The following ANK3 variants were observed in gnomAD, a reference collection of about 807,000 sequenced individuals.
ANK3 encodes the protein ankyrin 3, also known as ankyrin-3.
Under a neutral mutation model 370.9 loss-of-function variants are expected in ANK3, and 57 were observed. That is an observed-to-expected ratio of 0.15 (90% CI 0.12 to 0.19). The LOEUF (loss-of-function observed/expected upper bound fraction) is 0.19. Ranked by LOEUF, ANK3 falls within the 10% of genes least tolerant of loss-of-function variation. The pLI is 1.00. For missense variants in ANK3, 4,439 were observed against 5,302.1 expected (o/e 0.84, Z 5.06); for synonymous variants, 1,929 against 1,946.3 (o/e 0.99, Z 0.23).
chr10:60,532,362 G>A (rs1262130032), intron 2 of ANK3, among the ~76,000 whole-genome samples: 3 of 152,106 alleles, frequency 2.0e-5, no homozygotes, highest in African/African-American at 7.2e-5. Context: ...CCAGGACCTG[G>A]TAGCAGCTAC....
At chr10:60,465,558 G>T (rs1256519487) in intron 2 of ANK3, among the ~76,000 whole-genome samples, 1 of 152,132 alleles carries the variant, frequency 6.6e-6, no homozygotes, top group Non-Finnish European at 1.5e-5. Context: ...AGTTTTGGGA[G>T]GAAATTAAAC....
chr10:60,229,715 T>A (rs1592105452), intron 8 of ANK3, among the ~76,000 whole-genome samples: 1 of 152,292 alleles, frequency 6.6e-6, no homozygotes, highest in East Asian at 1.9e-4. Flanking sequence ...TACGTTACCA[T>A]AGGACCAGTA....
chr10:60,206,407 A>T (rs2096763603), intron 10 of ANK3, among the ~76,000 whole-genome samples: 1 of 152,198 alleles, frequency 6.6e-6, no homozygotes, highest in Non-Finnish European at 1.5e-5. Flanking sequence ...CAGGAGGCGG[A>T]GGTTGCAGTG....
intron 16 of ANK3, among the ~76,000 whole-genome samples, chr10:60,190,290 G>A (rs985851846): frequency 4.6e-5 from 7 of 152,164 alleles, no homozygotes; most frequent in African/African-American, 1.2e-4. Context: ...CATCCATGTG[G>A]TAATCATGCC....
At chr10:60,634,611 C>A (rs7093573) in intron 1 of ANK3, among the ~76,000 whole-genome samples, 2 of 151,912 alleles carry the variant, frequency 1.3e-5, no homozygotes, top group Non-Finnish European at 2.9e-5. Flanking sequence ...AGCAGGCCAC[C>A]GGAGCCAGCA....
At chr10:60,197,567 G>C (rs2096606783) in intron 14 of ANK3, among the ~76,000 whole-genome samples, 1 of 152,194 alleles carries the variant, frequency 6.6e-6, no homozygotes, top group African/African-American at 2.4e-5. Context: ...CTACTGAAGA[G>C]CCCAAAGAAT....
At chr10:60,724,168 C>T (rs1191488417) in intron 1 of ANK3, among the ~76,000 whole-genome samples, 3 of 132,780 alleles carry the variant, frequency 2.3e-5, no homozygotes, top group Non-Finnish European at 1.6e-5. Context: ...CGAGATCGCG[C>T]CACTGCACTC....
intron 28 of ANK3, among the ~76,000 whole-genome samples, chr10:60,096,066 G>A (rs956187975): frequency 3.9e-5 from 6 of 152,014 alleles, no homozygotes; most frequent in Non-Finnish European, 7.4e-5. Context: ...CCCAGCTATC[G>A]GGAGGCTGAG....
rs369760008 is a variant in ANK3, at chr10:60,029,263, T to C, written c.*583A>G. 1 of 152,590 alleles carries C rather than the reference T, an allele frequency of 6.6e-6. No individual in the cohort carries two copies. Among genetic ancestry groups the C allele is most frequent in the African/African-American group, 2.4e-5 (1 of 41,568 alleles). 9.5% of individuals were successfully genotyped at this position (152,590 alleles called of 1,614,324 possible). A position where few individuals can be genotyped will look rare whatever the true frequency, so the allele number is the denominator to read the frequency against. ...TCACTTGAGACCCCTATTTGTTAAATGCATTTGCAATATTCTGTTTGTGTT... is the reference window on the plus strand; with the variant it reads ...TCACTTGAGACCCCTATTTGTTAAACGCATTTGCAATATTCTGTTTGTGTT... On this transcript the variant is annotated 3_prime_UTR_variant, in exon 44 of 44. Coordinates refer to ENST00000280772, the MANE Select transcript of ANK3 (RefSeq NM_020987.5).
chr10:60,389,790 T>C lies in ANK3; in HGVS notation c.-252A>G. 7.7e-7 allele frequency: 1 copy of C among 1,299,500 alleles called. No homozygotes were observed. Among genetic ancestry groups the C allele is most frequent in the Non-Finnish European group, 9.8e-7 (1 of 1,022,152 alleles). The allele number at this position is 1,299,500 out of a possible 1,614,324, so 80.5% of individuals were successfully genotyped here. On this transcript the variant is annotated 5_prime_UTR_variant, in exon 1 of 44. Coordinates refer to ENST00000280772, the MANE Select transcript of ANK3 (RefSeq NM_020987.5). ...TTACAGGAGAGTGCAGCCATCGTAATGCATTTACCGTAGTGAAGAAGACAG... is the reference window on the plus strand; with the variant it reads ...TTACAGGAGAGTGCAGCCATCGTAACGCATTTACCGTAGTGAAGAAGACAG...
chr10:60,684,902 C>T, intron 1 of ANK3: 2 of 1,491,868 alleles, frequency 1.3e-6, no homozygotes, highest in South Asian at 2.3e-5. Flanking sequence ...CTTACAGTTG[C>T]TAATAAACAA....
intron 2 of ANK3, among the ~76,000 whole-genome samples, chr10:60,407,347 T>C (rs1312858809): frequency 6.6e-6 from 1 of 152,210 alleles, no homozygotes. Flanking sequence ...AGGAAAATGT[T>C]AGCGATAATT....
intron 43 of ANK3, among the ~76,000 whole-genome samples, chr10:60,038,138 C>T (rs376650433): frequency 1.3e-5 from 2 of 152,086 alleles, no homozygotes; most frequent in East Asian, 1.9e-4. Context: ...GGCTCACGCC[C>T]GTAATTCAAG....
At chr10:60,041,577 G>T (rs1162267501) in intron 43 of ANK3, among the ~76,000 whole-genome samples, 2 of 152,194 alleles carry the variant, frequency 1.3e-5, no homozygotes, top group Non-Finnish European at 2.9e-5. Flanking sequence ...ATTGCCTGAA[G>T]AGCACGCATG....
At chr10:60,248,686 T>C (rs571463452) in intron 7 of ANK3, among the ~76,000 whole-genome samples, 2 of 152,146 alleles carry the variant, frequency 1.3e-5, no homozygotes, top group African/African-American at 4.8e-5. Context: ...TAACAACACA[T>C]GAAATAGATG....
chr10:60,243,139 C>T (rs974899090), intron 7 of ANK3, among the ~76,000 whole-genome samples: 1 of 152,220 alleles, frequency 6.6e-6, no homozygotes, highest in Admixed American at 6.5e-5. Flanking sequence ...TCCAGGCCTG[C>T]CCCATACTAG....
In ANK3 at chr10:60,075,402, C is replaced by G. The variant is rs760093151; in HGVS notation, c.5479G>C (p.Val1827Leu). ...GCTGGTTCTGGCAAAACATTGACTA[C>G]AGAGTATACTGGCACTGTTATAATT... Reference protein sequence around the residue: ...SSIITVPVYSVVNVLPEPALK... With the variant: ...SSIITVPVYSLVNVLPEPALK... The change falls in exon 37 of 44, where the codon GTA (valine) becomes CTA (leucine). Residue 1827 changes from valine (V) to leucine (L), a missense_variant. By Grantham distance (32) the Val-to-Leu change is conservative (BLOSUM62 1). Coordinates refer to ENST00000280772, the MANE Select transcript of ANK3 (RefSeq NM_020987.5). The G allele has an allele frequency of 1.6e-5, 26 of 1,613,840 alleles. No individual in the cohort carries two copies. Among genetic ancestry groups the G allele is most frequent in the African/African-American group, 2.7e-5 (2 of 75,030 alleles).
At chr10:60,051,008 G>T (rs2077874401) in intron 42 of ANK3, among the ~76,000 whole-genome samples, 1 of 151,694 alleles carries the variant, frequency 6.6e-6, no homozygotes, top group African/African-American at 2.4e-5. Flanking sequence ...TGAAGAACTG[G>T]TTTTAATTTA....
chr10:60,427,391 T>C (rs2063912297), intron 2 of ANK3, among the ~76,000 whole-genome samples: 6 of 152,132 alleles, frequency 3.9e-5, no homozygotes, highest in Admixed American at 3.3e-4. Flanking sequence ...ACAGTCAAAA[T>C]AGAGTAAACA....
Sources: allele counts gnomAD v4.1 joint callset (sites outside exome capture counted in the v4.1 genomes callset), GRCh38; gene constraint gnomAD v4.1.1; transcripts MANE v1.5; gene names NCBI Gene and HGNC (gene_info 2026-07-23, HGNC 2026-07-21).